Variants in GALNT14 observed in about 807,000 individuals in gnomAD.
The protein encoded by GALNT14 is UDP-GalNAc:polypeptide N-acetylgalactosaminyltransferase 14.
Under a neutral mutation model 77.5 loss-of-function variants are expected in GALNT14, and 60 were observed. The ratio of observed to expected loss-of-function variants is 0.77; its 90% CI spans 0.63 to 0.96. The LOEUF is 0.96. Ranked by LOEUF, GALNT14 falls within the 40% of genes least tolerant of loss-of-function variation. The probability of loss-of-function intolerance (pLI) is 0.00; values close to 1 mark genes in which losing one functional copy is unlikely to be tolerated. For missense variants in GALNT14, 710 were observed against 731.0 expected (o/e 0.97, Z 0.33); for synonymous variants, 280 against 281.7 (o/e 0.99, Z 0.06).
At chr2:31,130,905 G>A (rs72856362) in intron 1 of GALNT14, among the ~76,000 whole-genome samples, 245 of 152,056 alleles carry the variant, frequency 1.6e-3, no homozygotes, top group African/African-American at 5.6e-3. Flanking sequence ...TTATTTTTTG[G>A]TTAATCTAGC....
the GALNT14 span, among the ~76,000 whole-genome samples, chr2:30,904,255 A>G: frequency 0.25 from 38,369 of 152,168 alleles, 5,247 homozygotes; most frequent in South Asian, 0.35. Flanking sequence ...TCCCAGCGTG[A>G]GCGACGCAGA....
intron 1 of GALNT14, among the ~76,000 whole-genome samples, chr2:31,135,112 A>C (rs191860826): frequency 2.8e-4 from 43 of 152,352 alleles, no homozygotes; most frequent in Admixed American, 2.3e-3. Flanking sequence ...CCATATTTAC[A>C]TGCAGCCAAC....
intron 1 of GALNT14, among the ~76,000 whole-genome samples, chr2:31,134,013 T>C (rs1253954698): frequency 6.6e-6 from 1 of 152,224 alleles, no homozygotes; most frequent in Non-Finnish European, 1.5e-5. Context: ...TTCACTTCAC[T>C]TGCACTGGGG....
intron 1 of GALNT14, among the ~76,000 whole-genome samples, chr2:31,098,911 C>G (rs560752779): frequency 6.6e-6 from 1 of 152,010 alleles, no homozygotes. Context: ...GGATCATCAT[C>G]AAGATCTTCA....
chr2:31,085,972 A>G (rs1295860781), intron 1 of GALNT14, among the ~76,000 whole-genome samples: 1 of 152,222 alleles, frequency 6.6e-6, no homozygotes, highest in Non-Finnish European at 1.5e-5. Context: ...GCCCCTTATC[A>G]TACCATCAGA....
At chr2:31,016,241 T>A (rs1006669872) in intron 1 of GALNT14, among the ~76,000 whole-genome samples, 1 of 152,184 alleles carries the variant, frequency 6.6e-6, no homozygotes, top group Non-Finnish European at 1.5e-5. Flanking sequence ...ATGTGGTTTT[T>A]TCTCTGTGTG....
At chr2:31,078,481 C>T (rs17010691) in intron 1 of GALNT14, among the ~76,000 whole-genome samples, 15,920 of 152,158 alleles carry the variant, frequency 0.1, 1,718 homozygotes, top group African/African-American at 0.27. Flanking sequence ...GAGTTAAAGC[C>T]AACTAAGTGG....
intron 1 of GALNT14, among the ~76,000 whole-genome samples, chr2:31,129,948 G>A (rs375856017): frequency 5.3e-5 from 8 of 152,114 alleles, no homozygotes; most frequent in South Asian, 2.1e-4. Flanking sequence ...CATGCAGATC[G>A]GGTTGCAAGA....
intron 1 of GALNT14, among the ~76,000 whole-genome samples, chr2:31,070,081 A>C (rs1257639945): frequency 6.6e-6 from 1 of 152,100 alleles, no homozygotes; most frequent in African/African-American, 2.4e-5. Context: ...CTGGGAGAAA[A>C]GAGAAGAAGC....
intron 2 of GALNT14, among the ~76,000 whole-genome samples, chr2:30,977,086 TTCTG>T (rs1477936286): frequency 1.5e-4 from 23 of 148,440 alleles, no homozygotes; most frequent in Non-Finnish European, 2.8e-4. Flanking sequence ...ATATTGGCTT[TTCTG>T]TCTTTTTTTT....
intron 2 of GALNT14, among the ~76,000 whole-genome samples, chr2:30,987,706 TCCCTCCCCCTCCTCC>T (rs1193371872): frequency 8.0e-6 from 1 of 124,732 alleles, no homozygotes; most frequent in Non-Finnish European, 1.7e-5. Context: ...GCCTTCCTCC[TCCCTCCCCCTCCTCC>T]CCCTCCTCCC....
chr2:31,083,027 A>G (rs1676233040), intron 1 of GALNT14, among the ~76,000 whole-genome samples: 1 of 152,206 alleles, frequency 6.6e-6, no homozygotes, highest in East Asian at 1.9e-4. Flanking sequence ...AAAAAAAAGA[A>G]AAAGAAAAAA....
intron 1 of GALNT14, among the ~76,000 whole-genome samples, chr2:31,084,550 G>A (rs559259669): frequency 2.0e-4 from 30 of 152,310 alleles, no homozygotes; most frequent in Non-Finnish European, 3.8e-4. Flanking sequence ...GCCATGGAGT[G>A]GGGTATATTC....
intron 1 of GALNT14, among the ~76,000 whole-genome samples, chr2:31,008,356 C>T (rs1172022000): frequency 6.6e-6 from 1 of 152,146 alleles, no homozygotes; most frequent in Non-Finnish European, 1.5e-5. Flanking sequence ...CTTAGCTTCC[C>T]AAAGTGCTGG....
Position 30,989,582 on chromosome 2 carries a change from A to ATATATATATATAT in GALNT14, c.299+3255_299+3256insATATATATATATA, listed in dbSNP as rs1553351577. On this transcript the variant is annotated intron_variant, in intron 2 of 14. Transcript: ENST00000349752. ...ACCTTATATATATATATATATATAT[A>ATATATATATATAT]AAAATATATATATTAGTAGATATAT... 2.1e-4 allele frequency among the ~76,000 whole-genome samples: 24 copies of ATATATATATATAT among 114,130 alleles called. No individual in the cohort carries two copies. The Middle Eastern group carries it at 0.012, about 58-fold the overall frequency. The allele number at this position is 114,130 out of a possible 152,430, so 74.9% of individuals were successfully genotyped here. A position where few individuals can be genotyped will look rare whatever the true frequency, so the allele number is the denominator to read the frequency against.
chr2:30,971,724 C>T (rs1668367486), intron 2 of GALNT14, among the ~76,000 whole-genome samples: 2 of 152,262 alleles, frequency 1.3e-5, no homozygotes, highest in African/African-American at 2.4e-5. Context: ...TTCCTCTGCA[C>T]AGTCACTGCC....
At position 31,138,158 on chromosome 2, in the gene GALNT14, G is replaced by C. The variant is rs549336120; in HGVS notation, c.-72C>G. 200 of 1,600,984 alleles carry C rather than the reference G, an allele frequency of 1.2e-4. 2 individuals carry two copies. The East Asian group carries it at 4.2e-3, about 34-fold the overall frequency. On this transcript the variant is annotated 5_prime_UTR_variant, in exon 1 of 15. Transcript: ENST00000349752. ...CCCCCCGGCGGTCAGGGTTGGCGGG[G>C]CAGGAGTCCTGGCGAGCGCCTCGCT... is the stretch of plus-strand genomic sequence containing the variant.
At chr2:31,035,800 C>T (rs1672706798) in intron 1 of GALNT14, among the ~76,000 whole-genome samples, 1 of 151,834 alleles carries the variant, frequency 6.6e-6, no homozygotes, top group Admixed American at 6.6e-5. Context: ...TAAGCGGGAG[C>T]TAAATGATGA....
At chr2:31,062,313 G>GT (rs1674651405) in intron 1 of GALNT14, among the ~76,000 whole-genome samples, 1 of 152,194 alleles carries the variant, frequency 6.6e-6, no homozygotes, top group Non-Finnish European at 1.5e-5. Flanking sequence ...AACATGTGGT[G>GT]TTTGGTTTTC....
Sources: allele counts gnomAD v4.1 joint callset (sites outside exome capture counted in the v4.1 genomes callset), GRCh38; gene constraint gnomAD v4.1.1; transcripts MANE v1.5; gene names NCBI Gene and HGNC (gene_info 2026-07-23, HGNC 2026-07-21).